DPP4: variants seen among roughly 807,000 people sequenced by gnomAD.
DPP4 encodes ADCP-2.
A neutral mutation model predicts 122.4 loss-of-function variants in DPP4; 93 were observed. That is an observed-to-expected ratio of 0.76 (90% CI 0.64 to 0.90). The LOEUF (loss-of-function observed/expected upper bound fraction) is 0.90, where lower values mean the gene tolerates loss of function less well. Ranked by LOEUF, DPP4 falls within the 40% of genes least tolerant of loss-of-function variation. DPP4 has a pLI of 0.00. For synonymous variants in DPP4, 321 were observed against 302.9 expected, an observed-to-expected ratio of 1.06 and a Z score of -0.62; for missense variants, 914 against 907.3, an observed-to-expected ratio of 1.01 and a Z score of -0.09.
intron 16 of DPP4, 135 bp downstream of exon 16, chr2:162,018,594 A>G: frequency 3.5e-6 from 4 of 1,149,200 alleles, no homozygotes; most frequent in Non-Finnish European, 4.8e-6. Flanking sequence ...GTTTATGCTC[A>G]CTACTTAAAT....
intron 2 of DPP4, among the ~76,000 whole-genome samples, chr2:162,049,880 C>T (rs1684323394): frequency 6.6e-6 from 1 of 152,074 alleles, no homozygotes; most frequent in African/African-American, 2.4e-5. Flanking sequence ...CACTTTATTA[C>T]TTTATTGATT....
chr2:162,052,213 G>C (rs1285147363), intron 2 of DPP4, among the ~76,000 whole-genome samples: 2 of 151,656 alleles, frequency 1.3e-5, no homozygotes, highest in Non-Finnish European at 2.9e-5. Context: ...AGCTACTCAG[G>C]AGGCTGAGGC....
At chr2:162,032,963 C>A (rs1245681362) in intron 10 of DPP4, among the ~76,000 whole-genome samples, 1 of 152,156 alleles carries the variant, frequency 6.6e-6, no homozygotes, top group Non-Finnish European at 1.5e-5. Flanking sequence ...TTACAAGGCT[C>A]TTTGGGACCT....
At chr2:161,995,416 C>T (rs200135534) in intron 23 of DPP4, 44 bp from the exon 24 acceptor site, 26 of 1,550,504 alleles carry the variant, frequency 1.7e-5, no homozygotes, top group Non-Finnish European at 2.3e-5. Flanking sequence ...AAAGGATCTG[C>T]CATAAACTGA....
chr2:162,015,724 C>T (rs1037796530), intron 18 of DPP4, among the ~76,000 whole-genome samples: 2 of 152,108 alleles, frequency 1.3e-5, no homozygotes, highest in Admixed American at 6.5e-5. Flanking sequence ...TCAAGTCACC[C>T]GTCTACTAAT....
rs200455773 is a variant in DPP4, at chr2:162,046,979, T to G, written c.221A>C (p.Asn74Thr). 5 of 1,595,418 alleles carry G rather than the reference T, an allele frequency of 3.1e-6. No homozygotes were observed. Among genetic ancestry groups the G allele is most frequent in the Non-Finnish European group, 4.3e-6 (5 of 1,163,844 alleles). Residue 74 changes from asparagine to threonine, a missense_variant, in exon 4 of 26, where the codon AAT becomes ACT. By Grantham distance (65) the Asn-to-Thr change is moderately conservative (BLOSUM62 0). Coordinates refer to ENST00000360534, the MANE Select transcript of DPP4 (RefSeq NM_001935.4). The stretch of plus-strand genomic sequence containing the variant: ...TTCAGCATTGAATACCAAGATATTA[T>G]TTTCTTGTTTGTAGAGATATTCATG... Reference protein sequence around the residue: ...SDHEYLYKQENNILVFNAEYG... With the variant: ...SDHEYLYKQETNILVFNAEYG...
intron 10 of DPP4, among the ~76,000 whole-genome samples, 190 bp from the exon 11 acceptor site, chr2:162,025,129 T>G (rs1683278071): frequency 6.6e-6 from 1 of 152,200 alleles, no homozygotes; most frequent in Non-Finnish European, 1.5e-5. Context: ...TAATTTAATT[T>G]GGAATGAAAA....
chr2:162,022,660 T>A (rs1209312338), intron 12 of DPP4, 95 bp downstream of exon 12: 1 of 1,149,916 alleles, frequency 8.7e-7, no homozygotes, highest in Non-Finnish European at 1.3e-6. Context: ...TTGCTATTAA[T>A]AACGTATCAC....
intron 8 of DPP4, among the ~76,000 whole-genome samples, chr2:162,036,814 G>C (rs1559717408): frequency 6.6e-6 from 1 of 152,140 alleles, no homozygotes; most frequent in Non-Finnish European, 1.5e-5. Context: ...CCAGTGAATT[G>C]CCTGAGACAA....
At chr2:162,047,108 G>T in intron 3 of DPP4, 102 bp from the exon 4 acceptor site, 2 of 640,546 alleles carry the variant, frequency 3.1e-6, no homozygotes, top group East Asian at 2.7e-5. Flanking sequence ...ATACCAAATA[G>T]GCATTTCTAA....
At chr2:162,027,311 G>A (rs991846824) in intron 10 of DPP4, among the ~76,000 whole-genome samples, 2 of 150,836 alleles carry the variant, frequency 1.3e-5, no homozygotes, top group Admixed American at 6.6e-5. Flanking sequence ...AGATCAAGCC[G>A]CTGCACTCTA....
intron 20 of DPP4, among the ~76,000 whole-genome samples, chr2:162,011,550 CT>C (rs927040303): frequency 6.6e-6 from 1 of 152,010 alleles, no homozygotes; most frequent in Admixed American, 6.5e-5. Flanking sequence ...TGCCAACTCC[CT>C]TTCTAGAGTC....
chr2:161,997,869 T>C (rs1559703175), intron 23 of DPP4, among the ~76,000 whole-genome samples: 1 of 152,226 alleles, frequency 6.6e-6, no homozygotes, highest in Non-Finnish European at 1.5e-5. Context: ...GTGTCAGAGC[T>C]GGACAAAGTC....
intron 2 of DPP4, among the ~76,000 whole-genome samples, chr2:162,064,358 G>A (rs965262853): frequency 5.3e-5 from 8 of 151,988 alleles, no homozygotes; most frequent in Non-Finnish European, 5.9e-5. Flanking sequence ...TAATTTTTTC[G>A]CTGGAAATTT....
chr2:162,073,738 C>T, intron 1 of DPP4: 1 of 698,038 alleles, frequency 1.4e-6, no homozygotes, highest in Non-Finnish European at 2.4e-6. Flanking sequence ...TTCGGGCGTG[C>T]GTTCTGTGAG....
chr2:162,059,714 C>T (rs1222250560), intron 2 of DPP4, among the ~76,000 whole-genome samples: 3 of 152,030 alleles, frequency 2.0e-5, no homozygotes, highest in Non-Finnish European at 1.5e-5. Context: ...TTGTCATCCC[C>T]GATATAAGAA....
At chr2:161,998,057 C>T (rs1701050155) in intron 23 of DPP4, among the ~76,000 whole-genome samples, 1 of 152,198 alleles carries the variant, frequency 6.6e-6, no homozygotes, top group Admixed American at 6.5e-5. Context: ...AAGACCCATG[C>T]CGTCTCAGAC....
chr2:162,027,461 G>A (rs1323228969), intron 10 of DPP4, among the ~76,000 whole-genome samples: 1 of 152,080 alleles, frequency 6.6e-6, no homozygotes, highest in Admixed American at 6.5e-5. Context: ...TGTATCAGTG[G>A]TTACTATTTT....
At chr2:162,017,319 C>G in intron 16 of DPP4, 164 bp from the exon 17 acceptor site, 1 of 614,898 alleles carries the variant, frequency 1.6e-6, no homozygotes, top group East Asian at 2.9e-5. Flanking sequence ...TTCTCCTCCC[C>G]CTCTCTTTAA....
Sources: allele counts gnomAD v4.1 joint callset (sites outside exome capture counted in the v4.1 genomes callset), GRCh38; gene constraint gnomAD v4.1.1; transcripts MANE v1.5; gene names NCBI Gene and HGNC (gene_info 2026-07-23, HGNC 2026-07-21).